Variants in SLC30A7 observed in about 807,000 individuals in gnomAD.
SLC30A7 encodes the protein solute carrier family 30 member 7, also known as zinc transporter 7.
A neutral mutation model predicts 46.0 loss-of-function variants in SLC30A7; 35 were observed. The ratio of observed to expected loss-of-function variants is 0.76; its 90% CI spans 0.58 to 1.01. SLC30A7 has a LOEUF of 1.01. Among genes scored for constraint, SLC30A7 ranks in the 50% least tolerant of loss-of-function variants. SLC30A7 has a pLI of 0.00. For synonymous variants in SLC30A7, 147 were observed against 157.8 expected (o/e 0.93, Z 0.51); for missense variants, 464 against 451.1 (o/e 1.03, Z -0.26).
intron 8 of SLC30A7, among the ~76,000 whole-genome samples, chr1:100,923,984 A>G (rs969527910): frequency 6.6e-6 from 1 of 152,064 alleles, no homozygotes; most frequent in Non-Finnish European, 1.5e-5. Context: ...TTCTTCTTAG[A>G]CTAGGATCTT....
At chr1:100,983,424 A>G (rs1657094677), downstream of SLC30A7, among the ~76,000 whole-genome samples, 1 of 151,600 alleles carries the variant, frequency 6.6e-6, no homozygotes, top group Non-Finnish European at 1.5e-5. Flanking sequence ...ACTACCATGA[A>G]ATTCAGGCTT....
chr1:100,951,982 G>T (rs1369267385), intron 8 of SLC30A7, among the ~76,000 whole-genome samples: 1 of 152,192 alleles, frequency 6.6e-6, no homozygotes. Flanking sequence ...AGGCAGAAGA[G>T]TCAGAGTCAA....
chr1:100,929,258 G>C (rs1363194355), intron 8 of SLC30A7, among the ~76,000 whole-genome samples: 4 of 151,854 alleles, frequency 2.6e-5, no homozygotes, highest in African/African-American at 7.3e-5. Context: ...TTTTGACTTA[G>C]ACTTTAAAAA....
intron 9 of SLC30A7, among the ~76,000 whole-genome samples, chr1:100,962,207 C>T (rs1320979008): frequency 1.3e-5 from 2 of 152,134 alleles, no homozygotes; most frequent in Non-Finnish European, 2.9e-5. Flanking sequence ...TTTGAGCTCC[C>T]ACTCTACCAG....
At chr1:100,974,628 G>GT (rs1315259270) in intron 10 of SLC30A7, among the ~76,000 whole-genome samples, 182 bp from the exon 11 acceptor site, 2 of 150,278 alleles carry the variant, frequency 1.3e-5, no homozygotes, top group Admixed American at 6.6e-5. Context: ...TTTTTTGTTT[G>GT]TTTTTTTGTA....
chr1:100,923,529 G>T (rs1245118539), intron 8 of SLC30A7, among the ~76,000 whole-genome samples: 1 of 152,156 alleles, frequency 6.6e-6, no homozygotes, highest in Non-Finnish European at 1.5e-5. Flanking sequence ...TATAATTCCA[G>T]CATTTTGGGA....
intron 8 of SLC30A7, among the ~76,000 whole-genome samples, chr1:100,952,429 C>G (rs1255570290): frequency 6.6e-6 from 1 of 152,166 alleles, no homozygotes; most frequent in Non-Finnish European, 1.5e-5. Context: ...GCGCCTGCCA[C>G]ACTTTCAGTA....
At chr1:100,910,960 T>C (rs1308417802) in intron 3 of SLC30A7, 103 bp from the exon 4 acceptor site, 5 of 870,988 alleles carry the variant, frequency 5.7e-6, no homozygotes, top group Non-Finnish European at 7.3e-6. Context: ...TGGCCACTTA[T>C]AACCATGTAA....
chr1:100,953,523 T>C (rs1655064547), intron 8 of SLC30A7, among the ~76,000 whole-genome samples: 1 of 152,232 alleles, frequency 6.6e-6, no homozygotes, highest in Non-Finnish European at 1.5e-5. Context: ...GTTTCTTGAC[T>C]TCTGTGCTTT....
Position 100,896,099 on chromosome 1 carries a change from C to A in SLC30A7, c.-164C>A. 1 of 648,874 alleles carries A rather than the reference C, an allele frequency of 1.5e-6. No individual in the cohort carries two copies. Among genetic ancestry groups the A allele is most frequent in the Non-Finnish European group, 2.8e-6 (1 of 363,444 alleles). The allele number at this position is 648,874 out of a possible 1,614,324, so 40.2% of individuals were successfully genotyped here. A position where few individuals can be genotyped will look rare whatever the true frequency, so the allele number is the denominator to read the frequency against. The stretch of plus-strand genomic sequence containing the variant: ...TTGCGCGGCCCGGGCCGGAAGTAAG[C>A]GAATTCCCGGGTGTGTGTCTGTGTC... On this transcript the variant is annotated 5_prime_UTR_variant, in exon 1 of 11. Transcript: ENST00000357650.
chr1:100,983,612 T>G (rs1330005004), downstream of SLC30A7, among the ~76,000 whole-genome samples: 2 of 152,212 alleles, frequency 1.3e-5, no homozygotes, highest in Non-Finnish European at 2.9e-5. Flanking sequence ...GTATGAATTG[T>G]TAAAGTGAAT....
rs139071650 is a variant in SLC30A7 at position 100,935,906 on chromosome 1, C to T, written c.842+14065C>T. Reference sequence around the variant, plus strand: ...CTTTACAATATGTCTGAACTCAGAACGTTCCTAATATATGGGCCAGAATAC... The same window carrying T: ...CTTTACAATATGTCTGAACTCAGAATGTTCCTAATATATGGGCCAGAATAC... On this transcript the variant is annotated intron_variant, in intron 8 of 10. Coordinates refer to ENST00000357650, the MANE Select transcript of SLC30A7 (RefSeq NM_133496.5). Among the ~76,000 whole-genome samples, 996 of 152,146 alleles carry T rather than the reference C, an allele frequency of 6.5e-3. 17 individuals are homozygous for T. The highest frequency in any genetic ancestry group is 0.021 in the African/African-American group (865 of 41,500).
chr1:100,914,893 C>CT (rs1156936662), intron 6 of SLC30A7, among the ~76,000 whole-genome samples: 1 of 151,842 alleles, frequency 6.6e-6, no homozygotes, highest in Non-Finnish European at 1.5e-5. Context: ...GATCACGCTA[C>CT]TGCACTCCAG....
chr1:100,923,986 T>A (rs1653121337), intron 8 of SLC30A7, among the ~76,000 whole-genome samples: 1 of 152,224 alleles, frequency 6.6e-6, no homozygotes, highest in Non-Finnish European at 1.5e-5. Flanking sequence ...CTTCTTAGAC[T>A]AGGATCTTAA....
At chr1:100,901,458 C>G (rs1305169435) in intron 2 of SLC30A7, among the ~76,000 whole-genome samples, 1 of 152,036 alleles carries the variant, frequency 6.6e-6, no homozygotes, top group Non-Finnish European at 1.5e-5. Context: ...TAGAAGTTTT[C>G]TTTTTCTTTT....
At chr1:100,936,335 T>A (rs1317580240) in intron 8 of SLC30A7, among the ~76,000 whole-genome samples, 2 of 152,178 alleles carry the variant, frequency 1.3e-5, no homozygotes, top group Non-Finnish European at 2.9e-5. Flanking sequence ...ATTCTAAACA[T>A]CTTTCAGAAA....
intron 6 of SLC30A7, among the ~76,000 whole-genome samples, chr1:100,914,786 G>A (rs76006229): frequency 6.6e-6 from 1 of 152,116 alleles, no homozygotes; most frequent in Non-Finnish European, 1.5e-5. Context: ...ACCTTGAAGA[G>A]TGAGCCTTCT....
chr1:100,905,855 C>T (rs1164957746), intron 2 of SLC30A7, among the ~76,000 whole-genome samples: 1 of 152,158 alleles, frequency 6.6e-6, no homozygotes, highest in Non-Finnish European at 1.5e-5. Flanking sequence ...AAAGTCCTAT[C>T]TAATAGTTCC....
At chr1:100,986,083 G>C (rs187171440), downstream of SLC30A7, among the ~76,000 whole-genome samples, 4 of 152,266 alleles carry the variant, frequency 2.6e-5, no homozygotes, top group Admixed American at 2.6e-4. Context: ...CACATCATTA[G>C]GTATTGGGAA....
Sources: gnomAD v4.1 joint callset for allele counts (sites outside exome capture counted in the v4.1 genomes callset) on GRCh38, gnomAD v4.1.1 for gene constraint, MANE v1.5 for transcripts, NCBI Gene and HGNC (gene_info 2026-07-23, HGNC 2026-07-21) for gene names.